PDE3A: variants seen among roughly 807,000 people sequenced by gnomAD.
PDE3A encodes the protein cGMP-inhibited 3',5'-cyclic phosphodiesterase 3A.
A neutral mutation model predicts 98.3 loss-of-function variants in PDE3A; 43 were observed. That is an observed-to-expected ratio of 0.44 (90% CI 0.34 to 0.56). The LOEUF (loss-of-function observed/expected upper bound fraction) is 0.56, where lower values mean the gene tolerates loss of function less well. PDE3A is among the 20% of genes least tolerant of loss of function. PDE3A has a pLI of 0.01. For missense variants in PDE3A, 1,427 were observed against 1,440.7 expected (o/e 0.99, Z 0.15); for synonymous variants, 663 against 567.9 (o/e 1.17, Z -2.38).
At position 20,686,775 on chromosome 12, in the gene PDE3A, A is replaced by T. The variant is rs1169607491; in HGVS notation, c.*6504A>T. Among the ~76,000 whole-genome samples the T allele has an allele frequency of 1.3e-5, 2 of 152,140 alleles. No homozygotes were observed. Among genetic ancestry groups the T allele is most frequent in the East Asian group, 3.9e-4 (2 of 5,192 alleles). ...ATTCTCCTCTGCCATAATTAAAAGA[A>T]AGAATGGCCTTCGACTTAAGTTCTA... On this transcript the variant is annotated 3_prime_UTR_variant, in exon 16 of 16. Coordinates refer to ENST00000359062, the MANE Select transcript of PDE3A (RefSeq NM_000921.5).
chr12:20,615,742 T>A (rs1278639836), intron 3 of PDE3A, among the ~76,000 whole-genome samples: 1 of 151,952 alleles, frequency 6.6e-6, no homozygotes, highest in African/African-American at 2.4e-5. Flanking sequence ...TATTTATTTA[T>A]TAGACAGACT....
chr12:20,454,643 T>C (rs1259025310), intron 1 of PDE3A, among the ~76,000 whole-genome samples: 1 of 152,268 alleles, frequency 6.6e-6, no homozygotes, highest in South Asian at 2.1e-4. Context: ...CAGCCTCCAA[T>C]AGACCCTAAT....
intron 1 of PDE3A, among the ~76,000 whole-genome samples, chr12:20,525,420 G>C (rs1390318353): frequency 2.0e-5 from 3 of 147,780 alleles, no homozygotes; most frequent in African/African-American, 7.5e-5. Flanking sequence ...TAATAATGTT[G>C]TTGTTCCTTT....
At chr12:20,461,749 T>A (rs1263040331) in intron 1 of PDE3A, among the ~76,000 whole-genome samples, 1 of 152,200 alleles carries the variant, frequency 6.6e-6, no homozygotes, top group Admixed American at 6.5e-5. Flanking sequence ...AATACTCTTG[T>A]AGCAAATTGT....
At chr12:20,541,029 TAA>T (rs1481955692) in intron 1 of PDE3A, among the ~76,000 whole-genome samples, 1 of 149,054 alleles carries the variant, frequency 6.7e-6, no homozygotes, top group Non-Finnish European at 1.5e-5. Context: ...AGTATCCTAT[TAA>T]GTGTATATTA....
intron 9 of PDE3A, among the ~76,000 whole-genome samples, chr12:20,638,258 G>A (rs1327504898): frequency 6.6e-6 from 1 of 152,150 alleles, no homozygotes; most frequent in Non-Finnish European, 1.5e-5. Context: ...GAAGATTGAA[G>A]GGAAAAGATA....
At chr12:20,671,404 A>T (rs1284829355) in intron 15 of PDE3A, among the ~76,000 whole-genome samples, 1 of 152,202 alleles carries the variant, frequency 6.6e-6, no homozygotes, top group Non-Finnish European at 1.5e-5. Flanking sequence ...AAAAAAAGAT[A>T]ATTTTAGACC....
intron 2 of PDE3A, among the ~76,000 whole-genome samples, chr12:20,597,567 C>A (rs1943496389): frequency 6.6e-6 from 1 of 152,024 alleles, no homozygotes; most frequent in South Asian, 2.1e-4. Flanking sequence ...TCAGAGTGAC[C>A]ATTTTCAAAG....
At chr12:20,395,507 A>T (rs1453697381) in intron 1 of PDE3A, among the ~76,000 whole-genome samples, 1 of 146,898 alleles carries the variant, frequency 6.8e-6, no homozygotes, top group Non-Finnish European at 1.5e-5. Flanking sequence ...ACATAGTATA[A>T]TATGTATACT....
At chr12:20,620,890 T>C (rs966372760) in intron 4 of PDE3A, among the ~76,000 whole-genome samples, 1 of 152,042 alleles carries the variant, frequency 6.6e-6, no homozygotes, top group Non-Finnish European at 1.5e-5. Context: ...CCAAAAATAA[T>C]AGAGTACTGA....
In PDE3A at chr12:20,686,839, T is replaced by A. The variant is rs533174864; in HGVS notation, c.*6568T>A. On this transcript the variant is annotated 3_prime_UTR_variant, in exon 16 of 16. Coordinates refer to ENST00000359062, the MANE Select transcript of PDE3A (RefSeq NM_000921.5). ...GCTTTCCTTGTAAAGTCCATGGTAC[T>A]AAGAAGCAAAAAATGCAGAGCTGTG... Among the ~76,000 whole-genome samples, 5 of 152,240 alleles carry A rather than the reference T, an allele frequency of 3.3e-5. No homozygotes were observed. Among genetic ancestry groups the A allele is most frequent in the Admixed American group, 2.6e-4 (4 of 15,282 alleles).
At chr12:20,382,580 A>G (rs1184782368) in intron 1 of PDE3A, among the ~76,000 whole-genome samples, 2 of 151,962 alleles carry the variant, frequency 1.3e-5, no homozygotes, top group East Asian at 1.9e-4. Context: ...TTTAAAGGCT[A>G]AATCAAAATA....
intron 3 of PDE3A, 36 bp downstream of exon 3, chr12:20,613,736 C>T (rs546429735): frequency 5.1e-6 from 8 of 1,573,194 alleles, no homozygotes; most frequent in East Asian, 2.3e-5. Context: ...AAGGGTTAAA[C>T]TATTTTTTTT....
Position 20,448,372 on chromosome 12 carries a change from C to T in PDE3A, c.960+78128C>T, listed in dbSNP as rs1944997365. On this transcript the variant is annotated intron_variant, in intron 1 of 15. Transcript: ENST00000359062. ...AGGAGAATCGATTGAACCCGGGAGG[C>T]GGCAGTTGCTGTGAGCCGAGGTCGC... Among the ~76,000 whole-genome samples the T allele has an allele frequency of 1.3e-5, 2 of 152,058 alleles. 1 individual carries two copies. The highest frequency in any genetic ancestry group is 4.1e-4 in the South Asian group (2 of 4,822).
chr12:20,488,998 T>G (rs1945781683), intron 1 of PDE3A, among the ~76,000 whole-genome samples: 1 of 152,160 alleles, frequency 6.6e-6, no homozygotes, highest in Non-Finnish European at 1.5e-5. Context: ...TCACTAATAA[T>G]TCTTCAGCAA....
At chr12:20,635,570 T>A in intron 8 of PDE3A, among the ~76,000 whole-genome samples, 2 of 138,752 alleles carry the variant, frequency 1.4e-5, no homozygotes, top group African/African-American at 2.7e-5. Flanking sequence ...AGAGGGAGAC[T>A]CTGTCTCAAA....
intron 1 of PDE3A, among the ~76,000 whole-genome samples, chr12:20,478,398 T>A (rs1452499885): frequency 6.6e-6 from 1 of 152,196 alleles, no homozygotes; most frequent in South Asian, 2.1e-4. Flanking sequence ...AGCGAGCTTC[T>A]GGAAACACAT....
chr12:20,399,125 A>C (rs1217976381), intron 1 of PDE3A, among the ~76,000 whole-genome samples: 1 of 152,176 alleles, frequency 6.6e-6, no homozygotes, highest in African/African-American at 2.4e-5. Flanking sequence ...TTCAGAGTTC[A>C]TCCATGTCGT....
chr12:20,478,390 C>T (rs976879311), intron 1 of PDE3A, among the ~76,000 whole-genome samples: 1 of 152,192 alleles, frequency 6.6e-6, no homozygotes, highest in Non-Finnish European at 1.5e-5. Context: ...CTCATTAGAG[C>T]GAGCTTCTGG....
Sources: gnomAD v4.1 joint callset for allele counts (sites outside exome capture counted in the v4.1 genomes callset) on GRCh38, gnomAD v4.1.1 for gene constraint, MANE v1.5 for transcripts, NCBI Gene and HGNC (gene_info 2026-07-23, HGNC 2026-07-21) for gene names.